TTN: variants seen among roughly 807,000 people sequenced by gnomAD.
TTN encodes the protein titin.
In TTN, 1,525 loss-of-function variants were observed where a neutral mutation model predicts 3,223.0. The ratio of observed to expected loss-of-function variants is 0.47; its 90% CI spans 0.45 to 0.49. The LOEUF (loss-of-function observed/expected upper bound fraction) is 0.49. TTN is among the 20% of genes least tolerant of loss of function. TTN has a pLI of 0.00. For synonymous variants in TTN, 14,094 were observed against 15,161.0 expected, an observed-to-expected ratio of 0.93 and a Z score of 5.17; for missense variants, 40,786 against 43,424.0, an observed-to-expected ratio of 0.94 and a Z score of 5.40.
intron 102 of TTN, among the ~76,000 whole-genome samples, chr2:178,705,670 C>A (rs2075752038): frequency 6.6e-6 from 1 of 151,634 alleles, no homozygotes; most frequent in Admixed American, 6.6e-5. Flanking sequence ...ATTATAATAT[C>A]AGAAAAAATA....
In TTN at chr2:178,675,709, G is replaced by A; in HGVS notation, c.34499C>T (p.Pro11500Leu). 2.1e-6 allele frequency: 3 copies of A among 1,429,992 alleles called. No individual in the cohort carries two copies. The highest frequency in any genetic ancestry group is 1.4e-5 in the African/African-American group (1 of 69,690). The allele number at this position is 1,429,992 out of a possible 1,614,324, so 88.6% of individuals were successfully genotyped here. A position where few individuals can be genotyped will look rare whatever the true frequency, so the allele number is the denominator to read the frequency against. ...GGCCACTGCTTTCTTAAGACCAGGA[G>A]GAGGGACCTTCTTTTCTGGCTCAGG... The part of the protein sequence containing the change: ...KKPEPEKKVP[P>L]PGLKKAVAPP... Residue 11500 changes from proline (P) to leucine (L), a missense_variant, in exon 149 of 363, where the codon CCT (proline) becomes CTT (leucine). Transcript: ENST00000589042.
chr2:178,645,272 G>T (rs1454705315), intron 217 of TTN: 1 of 151,840 alleles, frequency 6.6e-6, no homozygotes, highest in Non-Finnish European at 1.5e-5. Flanking sequence ...AGGGGGAAGG[G>T]AAGTTTAATA....
In TTN at chr2:178,558,244, T is replaced by G. The variant is rs1314649597; in HGVS notation, c.87119-9A>C. 1 of 1,600,632 alleles carries G rather than the reference T, an allele frequency of 6.2e-7. No individual in the cohort carries two copies. The highest frequency in any genetic ancestry group is 2.2e-5 in the East Asian group (1 of 44,718). ...ATCAATTTCAGGTGGTTCTGAAAAA[T>G]GAGTATAGAAAGTGAAAGTGAAAAA... On this transcript the variant is annotated splice_polypyrimidine_tract_variant and intron_variant, in intron 327 of 362. Coordinates refer to ENST00000589042, the MANE Select transcript of TTN (RefSeq NM_001267550.2).
Position 178,609,565 on chromosome 2 carries a change from G to T in TTN, c.51745C>A (p.Pro17249Thr). 6.2e-7 allele frequency: 1 copy of T among 1,606,004 alleles called. No individual in the cohort carries two copies. Among genetic ancestry groups the T allele is most frequent in the South Asian group, 1.1e-5 (1 of 89,708 alleles). The change falls in exon 273 of 363, where the codon CCC becomes ACC. Residue 17249 changes from proline (P) to threonine (T), a missense_variant. Physicochemically the swap from Pro to Thr is conservative, Grantham distance 38 (BLOSUM62 -1). Transcript: ENST00000589042. ...AGGCTTGTTCTCAGAATGACTTTGG[G>T]GGCATCTATAGTGATCATAACCAAT... ...PTKAVDPIDA[P>T]KVILRTSLEV...
Position 178,607,496 on chromosome 2 carries a change from A to ATAAT in TTN, c.53188_53191dup (p.Ile17731AsnfsTer20). 6.2e-7 allele frequency: 1 copy of ATAAT among 1,613,258 alleles called. No homozygotes were observed. The highest frequency in any genetic ancestry group is 8.5e-7 in the Non-Finnish European group (1 of 1,179,402). On this transcript the variant is annotated frameshift_variant, in exon 277 of 363. Coordinates refer to ENST00000589042, the MANE Select transcript of TTN (RefSeq NM_001267550.2). LOFTEE classifies it high-confidence loss of function. ...ATGGTCTTTTCGCAGTGCATCCTTG[A>ATAAT]TAATTAGTTCAGATTTGGTTCCAAC...
In TTN at chr2:178,773,108, C is replaced by T. The variant is rs746566745; in HGVS notation, c.7855+1G>A. On this transcript the variant is annotated splice_donor_variant, in intron 33 of 362. Coordinates refer to ENST00000589042, the MANE Select transcript of TTN (RefSeq NM_001267550.2). LOFTEE classifies it high-confidence loss of function. ...GAATTTAGGTTAATAAATATACCAACCTGCCACAGTAAGTTTTCCAGATGT... is the reference window on the plus strand; with the variant it reads ...GAATTTAGGTTAATAAATATACCAATCTGCCACAGTAAGTTTTCCAGATGT... 4 of 1,613,866 alleles carry T rather than the reference C, an allele frequency of 2.5e-6. No homozygotes were observed. The highest frequency in any genetic ancestry group is 2.2e-5 in the South Asian group (2 of 91,068).
In TTN at chr2:178,571,262, T is replaced by G. The variant is rs760043791; in HGVS notation, c.74870A>C (p.Lys24957Thr). Residue 24957 changes from lysine (K) to threonine (T), a missense_variant, in exon 326 of 363, where the codon AAG (lysine) becomes ACG (threonine). Coordinates refer to ENST00000589042, the MANE Select transcript of TTN (RefSeq NM_001267550.2). ...TTGAGGAATAGGTGTTTTATTCAAC[T>G]TAACCCAGAGGATGCTATTTCTTTC... The part of the protein sequence containing the change: ...RKERNSILWV[K>T]LNKTPIPQTK... 1 of 1,613,412 alleles carries G rather than the reference T, an allele frequency of 6.2e-7. No individual in the cohort carries two copies. Among genetic ancestry groups the G allele is most frequent in the Admixed American group, 1.7e-5 (1 of 59,956 alleles).
At chr2:178,685,140 C>A in intron 129 of TTN, 113 bp downstream of exon 129, 1 of 1,186,906 alleles carries the variant, frequency 8.4e-7, no homozygotes, top group Non-Finnish European at 1.2e-6. Flanking sequence ...TGTGTTCTGA[C>A]AAAACGTAGA....
chr2:178,664,983 A>T, intron 165 of TTN, 57 bp from the exon 166 acceptor site: 1 of 1,530,762 alleles, frequency 6.5e-7, no homozygotes, highest in East Asian at 2.4e-5. Flanking sequence ...GGAAAACAGT[A>T]ACCACAATAA....
rs1430466843 is a variant in TTN, at chr2:178,548,690, C to T, written c.92936G>A (p.Ser30979Asn). The change falls in exon 339 of 363, where the codon AGC becomes AAC. Residue 30979 changes from serine (S) to asparagine (N), a missense_variant. Transcript: ENST00000589042. This position sits in a 1 kb window ranked among gnomAD's most constrained non-coding sequence, Gnocchi z 4.3. ...GTTGCAGTTTTCCACAGTGAGGGTG[C>T]TGAAGGAATCTGTTGTATGGATATC... ...RADIHTTDSF[S>N]TLTVENCNRN... The T allele has an allele frequency of 6.2e-7, 1 of 1,613,838 alleles. No individual in the cohort carries two copies. Among genetic ancestry groups the T allele is most frequent in the Admixed American group, 1.7e-5 (1 of 60,010 alleles).
rs774470098 is a variant in TTN, at chr2:178,632,670, C to T, written c.43336G>A (p.Glu14446Lys). The T allele has an allele frequency of 2.5e-6, 4 of 1,613,420 alleles. No individual in the cohort carries two copies. In the South Asian group the frequency reaches 4.4e-5, roughly 18 times the overall value. ...KTFRWLKGTQ[E>K]ITGDDRFELI... ...TCAAATCTGTCATCACCTGTGATTT[C>T]CTGGGTTCCTTTTAGCCAACGGAAT... is the stretch of plus-strand genomic sequence containing the variant. The change falls in exon 235 of 363, where the codon GAA becomes AAA. Residue 14446 changes from glutamate to lysine, a missense_variant. By Grantham distance (56) the Glu-to-Lys change is moderately conservative. Transcript: ENST00000589042.
chr2:178,620,297 A>C lies in TTN; in HGVS notation c.46224T>G (p.Ala15408=), dbSNP rs775152614. 1.3e-6 allele frequency: 2 copies of C among 1,564,814 alleles called. No homozygotes were observed. Among genetic ancestry groups the C allele is most frequent in the Non-Finnish European group, 1.7e-6 (2 of 1,155,594 alleles). ...EDQTVTEFDD[A]VFSCQLSREK... Reference sequence around the variant, plus strand: ...CTCTGGAGAGCTGGCAGGAGAAGACAGCGTCATCGAACTCAGTGACTGTCT... The same window carrying C: ...CTCTGGAGAGCTGGCAGGAGAAGACCGCGTCATCGAACTCAGTGACTGTCT... Residue 15408 remains alanine, a synonymous_variant, in exon 248 of 363, where the codon GCT becomes GCG. Transcript: ENST00000589042.
In TTN at chr2:178,735,989, T is replaced by C. The variant is rs2081378949; in HGVS notation, c.14457A>G (p.Thr4819=). 1 of 1,613,806 alleles carries C rather than the reference T, an allele frequency of 6.2e-7. No homozygotes were observed. The highest frequency in any genetic ancestry group is 1.1e-5 in the South Asian group (1 of 91,074). The change falls in exon 50 of 363, where the codon ACA becomes ACG. Residue 4819 remains threonine (T), a synonymous_variant. Coordinates refer to ENST00000589042, the MANE Select transcript of TTN (RefSeq NM_001267550.2). The part of the protein sequence containing the change: ...GKAAKFICTV[T]GTPVIETIWQ... ...AAATGGTTTCTATCACAGGAGTCCCTGTCACTGTGCAGATGAACTTGGCTG... is the reference window on the plus strand; with the variant it reads ...AAATGGTTTCTATCACAGGAGTCCCCGTCACTGTGCAGATGAACTTGGCTG...
Position 178,565,767 on chromosome 2 carries a change from G to A in TTN, c.80365C>T (p.Leu26789Phe), listed in dbSNP as rs1403788853. 3 of 1,613,604 alleles carry A rather than the reference G, an allele frequency of 1.9e-6. No homozygotes were observed. The African/African-American group carries it at 4.0e-5, about 22-fold the overall frequency. ...GCACTGGTCTGGGACACATCAGTGA[G>A]TGTAACCTTTCCTGGTGGGGAAGGA... is the stretch of plus-strand genomic sequence containing the variant. ...EPPSPPGKVT[L>F]TDVSQTSASL... The change falls in exon 326 of 363, where the codon CTC becomes TTC. Residue 26789 changes from leucine (L) to phenylalanine (F), a missense_variant. Physicochemically the swap from Leu to Phe is conservative, Grantham distance 22 (BLOSUM62 0). Transcript: ENST00000589042.
rs1223702623 is a variant in TTN, at chr2:178,753,026, A to AT, written c.11311+97dup. 2.4e-5 allele frequency: 23 copies of AT among 962,598 alleles called. No homozygotes were observed. The East Asian group carries it at 4.9e-4, about 21-fold the overall frequency. The allele number at this position is 962,598 out of a possible 1,614,324, so 59.6% of individuals were successfully genotyped here. A position where few individuals can be genotyped will look rare whatever the true frequency, so the allele number is the denominator to read the frequency against. ...AGAGATATATTTGTATATCTATGTCATTTTTTTCTCAATAATACTAAGAGA... is the reference window on the plus strand; with the variant it reads ...AGAGATATATTTGTATATCTATGTCATTTTTTTTCTCAATAATACTAAGAGA... On this transcript the variant is annotated intron_variant, in intron 47 of 362. Coordinates refer to ENST00000589042, the MANE Select transcript of TTN (RefSeq NM_001267550.2).
rs115744476 is a variant in TTN, at chr2:178,682,728, T to C, written c.33063A>G (p.Glu11021=). The C allele has an allele frequency of 8.6e-3, 13,893 of 1,612,750 alleles. 84 individuals are homozygous for C. Among genetic ancestry groups the C allele is most frequent in the Admixed American group, 0.011 (657 of 59,940 alleles). The stretch of plus-strand genomic sequence containing the variant: ...TGTATTCTTCATGCTCTTCATATCG[T>C]TCATACTCCCGCTCCTCGTATTCTT... ...QYEEYEEREY[E]RYEEHEEYIT... is the part of the protein sequence containing the mutation. Residue 11021 remains glutamate (E), a synonymous_variant, in exon 135 of 363, where the codon GAA becomes GAG. Transcript: ENST00000589042.
At chr2:178,540,397 G>A in intron 350 of TTN, 27 bp from the exon 351 acceptor site, 1 of 1,554,694 alleles carries the variant, frequency 6.4e-7, no homozygotes, top group Non-Finnish European at 8.7e-7. Context: ...GAATATACTG[G>A]TTAAAGTTGC....
intron 9 of TTN, among the ~76,000 whole-genome samples, chr2:178,793,106 C>T (rs1317771856): frequency 6.6e-6 from 1 of 152,226 alleles, no homozygotes; most frequent in African/African-American, 2.4e-5. Context: ...TTTTAGCCAT[C>T]TGTCCTCTCC....
At chr2:178,710,980 A>T (rs2076573066) in intron 97 of TTN, 58 bp from the exon 98 acceptor site, 1 of 1,554,280 alleles carries the variant, frequency 6.4e-7, no homozygotes, top group African/African-American at 1.4e-5. Flanking sequence ...ATGTCAGTTT[A>T]CTGAAATAGA....
Sources: gnomAD v4.1 joint callset for allele counts (sites outside exome capture counted in the v4.1 genomes callset) on GRCh38, gnomAD v4.1.1 for gene constraint, Gnocchi (gnomAD v3.1) non-coding constraint, MANE v1.5 for transcripts, NCBI Gene and HGNC (gene_info 2026-07-23, HGNC 2026-07-21) for gene names.